MSH6: variants seen among roughly 807,000 people sequenced by gnomAD.
The protein encoded by MSH6 is DNA mismatch repair protein Msh6.
A neutral mutation model predicts 119.1 loss-of-function variants in MSH6; 85 were observed. That is an observed-to-expected ratio of 0.71 (90% CI 0.60 to 0.85). MSH6 has a LOEUF of 0.85. Among genes scored for constraint, MSH6 ranks in the 40% least tolerant of loss-of-function variants. The pLI is 0.00. For missense variants in MSH6, 2,163 were observed against 1,655.3 expected (o/e 1.31, Z -5.32); for synonymous variants, 830 against 586.9 (o/e 1.41, Z -5.99).
chr2:47,792,988 T>A (rs551773019), intron 2 of MSH6, among the ~76,000 whole-genome samples: 90 of 151,964 alleles, frequency 5.9e-4, no homozygotes, highest in Non-Finnish European at 1.2e-3. Context: ...TAACTTATTT[T>A]CTGATACTGT....
At chr2:47,798,387 C>T (rs1372460416) in intron 3 of MSH6, among the ~76,000 whole-genome samples, 1 of 152,204 alleles carries the variant, frequency 6.6e-6, no homozygotes, top group Non-Finnish European at 1.5e-5. Flanking sequence ...GTGCTCAGAA[C>T]ACTTAAATGT....
At chr2:47,789,463 AT>A (rs1021038798) in intron 1 of MSH6, 5 of 458,138 alleles carry the variant, frequency 1.1e-5, no homozygotes, top group Admixed American at 2.6e-5. Flanking sequence ...GGAAGACATT[AT>A]TTTTTTAATT....
chr2:47,788,898 TTCTTCTTC>T (rs1668521390), intron 1 of MSH6, among the ~76,000 whole-genome samples: 1 of 89,454 alleles, frequency 1.1e-5, no homozygotes, highest in Non-Finnish European at 2.4e-5. Flanking sequence ...CTTTCTTTCT[TTCTTCTTC>T]CTTTTTTTTT....
rs556515162 is a variant in MSH6, at chr2:47,794,185, AC to A, written c.458-1708del. ...GTGAAACCCTGTCTCTACTAAAAATACAAAAATTAGCCAGGCATGGTGACAC... is the reference window on the plus strand; with the variant it reads ...GTGAAACCCTGTCTCTACTAAAAATAAAAAATTAGCCAGGCATGGTGACAC... On this transcript the variant is annotated intron_variant, in intron 2 of 9. Transcript: ENST00000234420. Among the ~76,000 whole-genome samples, 44 of 151,934 alleles carry A rather than the reference AC, an allele frequency of 2.9e-4. No homozygotes were observed. The East Asian group carries it at 8.4e-3, about 29-fold the overall frequency.
At chr2:47,783,524 G>A (rs1021889550) in intron 1 of MSH6, 31 bp downstream of exon 1, 12 of 1,412,196 alleles carry the variant, frequency 8.5e-6, no homozygotes, top group Non-Finnish European at 1.1e-5. Context: ...TCGAAGGCGG[G>A]GGCATAGCGG....
chr2:47,793,318 C>CAAAAAAA (rs34250836), intron 2 of MSH6, among the ~76,000 whole-genome samples: 7 of 48,806 alleles, frequency 1.4e-4, no homozygotes, highest in African/African-American at 1.7e-4. Flanking sequence ...GAGACTGTCT[C>CAAAAAAA]AAAAAAAAAA....
chr2:47,807,530 A>T (rs1275973885), downstream of MSH6: 1 of 211,540 alleles, frequency 4.7e-6, no homozygotes, highest in Non-Finnish European at 9.6e-6. Flanking sequence ...ATACTGGGAC[A>T]TGAGTACAGT....
chr2:47,793,750 C>A (rs544310423), intron 2 of MSH6, among the ~76,000 whole-genome samples: 2 of 149,170 alleles, frequency 1.3e-5, no homozygotes, highest in East Asian at 4.0e-4. Flanking sequence ...TTTTTTTTTG[C>A]AGCGGAGTCC....
intron 9 of MSH6, 58 bp from the exon 10 acceptor site, chr2:47,806,721 G>T (rs1262833273): frequency 3.2e-6 from 5 of 1,565,876 alleles, no homozygotes; most frequent in Non-Finnish European, 4.4e-6. Context: ...AAAAGGGGAA[G>T]GGATGATGCA....
intron 1 of MSH6, chr2:47,789,331 C>G: frequency 2.5e-6 from 1 of 395,724 alleles, no homozygotes; most frequent in South Asian, 1.9e-5. Context: ...TGTTTAAATG[C>G]TTATGTTTCT....
At chr2:47,785,451 C>G (rs1054313874) in intron 1 of MSH6, among the ~76,000 whole-genome samples, 2 of 151,976 alleles carry the variant, frequency 1.3e-5, no homozygotes, top group Non-Finnish European at 2.9e-5. Flanking sequence ...CTGCTGACCT[C>G]AAGTGGTCCA....
intron 1 of MSH6, among the ~76,000 whole-genome samples, chr2:47,788,922 G>C (rs145044092): frequency 4.9e-5 from 2 of 40,932 alleles, no homozygotes; most frequent in African/African-American, 2.0e-4. Context: ...TTTTTTTTTT[G>C]TTTTTTTTTT....
In MSH6 at chr2:47,794,881, G is replaced by A. The variant is rs3136305; in HGVS notation, c.458-1013G>A. ...GCGATCTTGGCTCACTGCAACCTCT[G>A]CCTCCCGGGTTCAAGTGATTCTCCT... On this transcript the variant is annotated intron_variant, in intron 2 of 9. Transcript: ENST00000234420. Among the ~76,000 whole-genome samples, 355 of 152,184 alleles carry A rather than the reference G, an allele frequency of 2.3e-3. 2 individuals are homozygous for A. Among genetic ancestry groups the A allele is most frequent in the African/African-American group, 7.3e-3 (304 of 41,550 alleles).
downstream of MSH6, chr2:47,809,931 T>C: frequency 1.9e-6 from 1 of 526,672 alleles, no homozygotes; most frequent in East Asian, 3.1e-5. Flanking sequence ...CCTAACTGTC[T>C]TAAAGTTTAA....
At position 47,806,262 on chromosome 2, in the gene MSH6, T is replaced by C. The variant is rs545552712; in HGVS notation, c.3705T>C (p.Leu1235=). 3.1e-6 allele frequency: 5 copies of C among 1,614,158 alleles called. No homozygotes were observed. Among genetic ancestry groups the C allele is most frequent in the Non-Finnish European group, 2.5e-6 (3 of 1,179,998 alleles). The change falls in exon 8 of 10, where the codon CTT becomes CTC. Residue 1235 remains leucine (L), a synonymous_variant. Coordinates refer to ENST00000234420, the MANE Select transcript of MSH6 (RefSeq NM_000179.3). ...TAGCAAATGCAGTTGTTAAAGAACT[T>C]GCTGAGACTATAAAATGTCGTACAT... ...TAIANAVVKE[L]AETIKCRTLF...
rs1669874241 is a variant in MSH6, at chr2:47,804,982, G to A, written c.3511G>A (p.Asp1171Asn). 1 of 1,614,094 alleles carries A rather than the reference G, an allele frequency of 6.2e-7. No individual in the cohort carries two copies. The highest frequency in any genetic ancestry group is 8.5e-7 in the Non-Finnish European group (1 of 1,179,998). Residue 1171 changes from aspartate (D) to asparagine (N), a missense_variant, in exon 6 of 10, where the codon GAT becomes AAT. Transcript: ENST00000234420. ...PAEVCRLTPIDRVFTRLGASD... is the reference protein window; with the variant it reads ...PAEVCRLTPINRVFTRLGASD... ...TGAAGTGTGCAGGCTCACACCAATTGATAGAGTGTTTACTAGACTTGGTGC... is the reference window on the plus strand; with the variant it reads ...TGAAGTGTGCAGGCTCACACCAATTAATAGAGTGTTTACTAGACTTGGTGC...
In MSH6 at chr2:47,804,954, T is replaced by C. The variant is rs757064383; in HGVS notation, c.3483T>C (p.Pro1161=). Residue 1161 remains proline (P), a synonymous_variant, in exon 6 of 10, where the codon CCT becomes CCC. Transcript: ENST00000234420. ...AVMAQMGCYV[P]AEVCRLTPID... is the part of the protein sequence containing the mutation. ...TGGCCCAGATGGGTTGTTACGTCCC[T>C]GCTGAAGTGTGCAGGCTCACACCAA... 3 of 1,614,056 alleles carry C rather than the reference T, an allele frequency of 1.9e-6. No individual in the cohort carries two copies. Among genetic ancestry groups the C allele is most frequent in the East Asian group, 2.2e-5 (1 of 44,900 alleles).
downstream of MSH6, chr2:47,809,514 CA>C (rs1249151335): frequency 6.3e-6 from 6 of 950,412 alleles, no homozygotes; most frequent in Non-Finnish European, 9.7e-6. Flanking sequence ...TGGAGAGTGA[CA>C]TAAGGAATCA....
intron 4 of MSH6, among the ~76,000 whole-genome samples, chr2:47,802,499 T>G (rs758954842): frequency 2.1e-4 from 32 of 151,810 alleles, no homozygotes; most frequent in Non-Finnish European, 4.3e-4. Flanking sequence ...CCTGGCTAAT[T>G]TTTGTATTTT....
Sources: allele counts gnomAD v4.1 joint callset (sites outside exome capture counted in the v4.1 genomes callset), GRCh38; gene constraint gnomAD v4.1.1; transcripts MANE v1.5; gene names NCBI Gene and HGNC (gene_info 2026-07-23, HGNC 2026-07-21).